RBFOX1: variants seen among roughly 807,000 people sequenced by gnomAD.
RBFOX1 encodes RNA binding protein fox-1 homolog 1.
Under a neutral mutation model 57.7 loss-of-function variants are expected in RBFOX1, and 8 were observed. The ratio of observed to expected loss-of-function variants is 0.14; its 90% CI spans 0.08 to 0.25. The LOEUF (loss-of-function observed/expected upper bound fraction) is 0.25, where lower values mean the gene tolerates loss of function less well. Ranked by LOEUF, RBFOX1 falls within the 10% of genes least tolerant of loss-of-function variation. The pLI, the probability that RBFOX1 is intolerant of heterozygous loss-of-function variation, is 1.00. For missense variants in RBFOX1, 611 were observed against 548.5 expected (o/e 1.11, Z -1.14); for synonymous variants, 326 against 222.4 (o/e 1.47, Z -4.15).
intron 2 of RBFOX1, among the ~76,000 whole-genome samples, chr16:6,321,000 G>T (rs1177463836): frequency 2.6e-5 from 4 of 152,074 alleles, no homozygotes; most frequent in Non-Finnish European, 5.9e-5. Flanking sequence ...TGCCATGTTG[G>T]CCAGGCTAGT....
intron 4 of RBFOX1, among the ~76,000 whole-genome samples, chr16:7,267,756 T>C (rs2095205487): frequency 6.6e-6 from 1 of 152,050 alleles, no homozygotes; most frequent in African/African-American, 2.4e-5. Flanking sequence ...CTTGGGAGGC[T>C]GAGGTGGGAG....
At chr16:6,104,497 T>A (rs965219319) in intron 1 of RBFOX1, among the ~76,000 whole-genome samples, 1 of 152,108 alleles carries the variant, frequency 6.6e-6, no homozygotes, top group Admixed American at 6.5e-5. Flanking sequence ...CTTTAGAAAA[T>A]TTACAGTCTA....
At chr16:5,286,566 A>T (rs181528806) in intron 1 of RBFOX1, among the ~76,000 whole-genome samples, 3 of 152,326 alleles carry the variant, frequency 2.0e-5, no homozygotes, top group Non-Finnish European at 4.4e-5. Flanking sequence ...TTACCCTCAC[A>T]GCTCTGCATG....
chr16:6,994,824 G>T (rs982604255), intron 3 of RBFOX1, among the ~76,000 whole-genome samples: 5 of 152,148 alleles, frequency 3.3e-5, no homozygotes, highest in Admixed American at 6.6e-5. Flanking sequence ...TTCAGAGACT[G>T]ATAAAAATTC....
At chr16:6,839,812 C>G (rs576616282) in intron 3 of RBFOX1, among the ~76,000 whole-genome samples, 1 of 152,194 alleles carries the variant, frequency 6.6e-6, no homozygotes, top group African/African-American at 2.4e-5. Flanking sequence ...AATCATAGCA[C>G]TTCGTGTACT....
intron 3 of RBFOX1, among the ~76,000 whole-genome samples, chr16:5,778,012 G>C (rs1172213374): frequency 6.6e-6 from 1 of 152,172 alleles, no homozygotes; most frequent in African/African-American, 2.4e-5. Context: ...GGAGCATTAA[G>C]ATACATGCTC....
At chr16:5,478,183 C>T (rs934097165) in intron 2 of RBFOX1, among the ~76,000 whole-genome samples, 3 of 152,138 alleles carry the variant, frequency 2.0e-5, no homozygotes, top group Non-Finnish European at 4.4e-5. Context: ...GAGTAAATTT[C>T]AGAGCCTTGG....
intron 4 of RBFOX1, among the ~76,000 whole-genome samples, chr16:7,160,835 C>A (rs2078173863): frequency 7.2e-6 from 1 of 138,370 alleles, no homozygotes. Context: ...CTCCCTCCTC[C>A]TTCCTCCTCC....
chr16:5,585,428 TTTCCTGCTTTGGGCTCTC>T (rs1297170394), intron 2 of RBFOX1, among the ~76,000 whole-genome samples: 2 of 152,214 alleles, frequency 1.3e-5, no homozygotes, highest in Admixed American at 1.3e-4. Flanking sequence ...ATCTGGGGTG[TTTCCTGCTTTGGGCTCTC>T]TTGGGATTTT....
chr16:5,776,648 G>A (rs1300754433), intron 3 of RBFOX1, among the ~76,000 whole-genome samples: 2 of 152,192 alleles, frequency 1.3e-5, no homozygotes, highest in African/African-American at 2.4e-5. Context: ...CAATGGTGTG[G>A]GTGTTAGTAT....
chr16:5,606,668 G>C (rs932997262), intron 3 of RBFOX1, among the ~76,000 whole-genome samples: 5 of 152,118 alleles, frequency 3.3e-5, no homozygotes, highest in Non-Finnish European at 7.3e-5. Flanking sequence ...CATAACTGAG[G>C]CACAATCTGA....
chr16:6,759,427 ATTAATTC>A lies in RBFOX1; in HGVS notation c.-16+104780_-16+104786del, dbSNP rs375837039. ...CAGCCTCCCATAGTGCTGGGACCCA[ATTAATTC>A]TTTAGTCAACCAACTTCATTTCTTG... On this transcript the variant is annotated intron_variant, in intron 3 of 15. Coordinates refer to ENST00000550418, the MANE Select transcript of RBFOX1 (RefSeq NM_018723.4). Among the ~76,000 whole-genome samples the A allele has an allele frequency of 5.0e-3, 755 of 151,176 alleles. 5 individuals are homozygous for A. Among genetic ancestry groups the A allele is most frequent in the African/African-American group, 0.017 (710 of 40,958 alleles).
chr16:6,939,325 TAG>T (rs914509216), intron 3 of RBFOX1, among the ~76,000 whole-genome samples: 2 of 151,986 alleles, frequency 1.3e-5, no homozygotes, highest in African/African-American at 4.8e-5. Context: ...ATAAATTACC[TAG>T]AGTCACAAAT....
chr16:5,618,031 A>G (rs994461275), intron 3 of RBFOX1, among the ~76,000 whole-genome samples: 8 of 152,218 alleles, frequency 5.3e-5, no homozygotes, highest in African/African-American at 1.9e-4. Context: ...AACATAAATT[A>G]TACAAATCTG....
intron 4 of RBFOX1, among the ~76,000 whole-genome samples, chr16:7,172,676 G>A (rs1247183989): frequency 6.6e-6 from 1 of 152,190 alleles, no homozygotes; most frequent in Non-Finnish European, 1.5e-5. Context: ...GCAGCACAAG[G>A]CTGAAAGCAG....
At chr16:5,574,731 C>T (rs2046398000) in intron 2 of RBFOX1, among the ~76,000 whole-genome samples, 1 of 152,168 alleles carries the variant, frequency 6.6e-6, no homozygotes, top group African/African-American at 2.4e-5. Context: ...GCTTCTCTCA[C>T]TCCTCCCTGT....
chr16:5,244,708 A>C (rs1240220704), intron 1 of RBFOX1, among the ~76,000 whole-genome samples: 1 of 152,238 alleles, frequency 6.6e-6, no homozygotes, highest in African/African-American at 2.4e-5. Flanking sequence ...TGAGGAATGC[A>C]GTGCGTAAGT....
intron 1 of RBFOX1, among the ~76,000 whole-genome samples, chr16:6,204,138 A>C (rs1055404149): frequency 6.6e-5 from 10 of 152,158 alleles, no homozygotes; most frequent in African/African-American, 2.4e-4. Flanking sequence ...ATTACCACTG[A>C]TGTTGTTGAT....
At chr16:6,158,618 A>G (rs200146102) in intron 1 of RBFOX1, among the ~76,000 whole-genome samples, 2 of 152,296 alleles carry the variant, frequency 1.3e-5, no homozygotes, top group East Asian at 1.9e-4. Context: ...GCAAATATTT[A>G]TTGACCACTG....
Sources: allele counts gnomAD v4.1 joint callset (sites outside exome capture counted in the v4.1 genomes callset), GRCh38; gene constraint gnomAD v4.1.1; transcripts MANE v1.5; gene names NCBI Gene and HGNC (gene_info 2026-07-23, HGNC 2026-07-21).